The following TFCP2 variants were observed in gnomAD, a reference collection of about 807,000 sequenced individuals.
TFCP2 encodes alpha-globin transcription factor CP2.
Under a neutral mutation model 73.4 loss-of-function variants are expected in TFCP2, and 33 were observed. The ratio of observed to expected loss-of-function variants is 0.45; its 90% CI spans 0.34 to 0.60. The LOEUF (loss-of-function observed/expected upper bound fraction) is 0.60. TFCP2 is among the 20% of genes least tolerant of loss of function. TFCP2 has a pLI of 0.01. For missense variants in TFCP2, 352 were observed against 604.0 expected (o/e 0.58, Z 4.37); for synonymous variants, 193 against 211.6 (o/e 0.91, Z 0.76).
intron 1 of TFCP2, among the ~76,000 whole-genome samples, chr12:51,133,522 G>A (rs780758002): frequency 5.3e-5 from 8 of 152,118 alleles, no homozygotes; most frequent in Non-Finnish European, 1.2e-4. Context: ...CCCAGACTGA[G>A]ACTGGTCTCA....
intron 1 of TFCP2, among the ~76,000 whole-genome samples, chr12:51,132,803 G>A (rs1940977849): frequency 6.6e-6 from 1 of 152,102 alleles, no homozygotes. Flanking sequence ...AGACCCTGAG[G>A]CCACACGGAA....
chr12:51,146,968 A>G (rs2066596016), intron 1 of TFCP2, among the ~76,000 whole-genome samples: 1 of 152,258 alleles, frequency 6.6e-6, no homozygotes, highest in African/African-American at 2.4e-5. Flanking sequence ...CCAAGTACAT[A>G]GTAGGCACTC....
intron 1 of TFCP2, among the ~76,000 whole-genome samples, chr12:51,157,777 G>A (rs1223210037): frequency 7.6e-6 from 1 of 130,838 alleles, no homozygotes; most frequent in African/African-American, 2.8e-5. Context: ...ACCACCGCCT[G>A]CCTCCTGGGT....
At position 51,106,776 on chromosome 12, in the gene TFCP2, C is replaced by T. The variant is rs1485725960; in HGVS notation, c.829-163G>A. 25 of 618,804 alleles carry T rather than the reference C, an allele frequency of 4.0e-5. No individual in the cohort carries two copies. In the South Asian group the frequency reaches 4.5e-4, roughly 11 times the overall value. 38.3% of individuals were successfully genotyped at this position (618,804 alleles called of 1,614,324 possible). A position where few individuals can be genotyped will look rare whatever the true frequency, so the allele number is the denominator to read the frequency against. ...TGCTTCTCTTTCCGCCATCTTGGAG[C>T]CTGTGGGGAGGCCTGCTGAGAATAG... On this transcript the variant is annotated intron_variant, in intron 7 of 14. Transcript: ENST00000257915.
Position 51,129,514 on chromosome 12 carries a change from C to CAA in TFCP2, c.123-10744_123-10743dup, listed in dbSNP as rs5798159. Among the ~76,000 whole-genome samples, 1,025 of 126,078 alleles carry CAA rather than the reference C, an allele frequency of 8.1e-3. 7 individuals are homozygous for CAA. The highest frequency in any genetic ancestry group is 0.025 in the South Asian group (93 of 3,776). The allele number at this position is 126,078 out of a possible 152,430, so 82.7% of individuals were successfully genotyped here. On this transcript the variant is annotated intron_variant, in intron 1 of 14. Coordinates refer to ENST00000257915, the MANE Select transcript of TFCP2 (RefSeq NM_005653.5). ...CGGGCGACAGTGAAAGACCCCGTCT[C>CAA]AAAAAAAAAAAAAAAAAAAAAATCT...
At chr12:51,104,671 TATGCA>T (rs1430918211) in intron 8 of TFCP2, among the ~76,000 whole-genome samples, 1 of 152,104 alleles carries the variant, frequency 6.6e-6, no homozygotes, top group Non-Finnish European at 1.5e-5. Context: ...GAAGAAAATT[TATGCA>T]ATGCAATATC....
At chr12:51,143,292 C>T (rs1368546428) in intron 1 of TFCP2, among the ~76,000 whole-genome samples, 2 of 151,112 alleles carry the variant, frequency 1.3e-5, no homozygotes, top group East Asian at 3.9e-4. Flanking sequence ...AACTCTTGAT[C>T]TTATTCTAAA....
At chr12:51,097,242 G>A (rs1187254984) in intron 13 of TFCP2, among the ~76,000 whole-genome samples, 1 of 151,732 alleles carries the variant, frequency 6.6e-6, no homozygotes, top group Non-Finnish European at 1.5e-5. Flanking sequence ...GAGCCACTGT[G>A]CCTGGCCTTC....
At chr12:51,129,815 T>C (rs1287648674) in intron 1 of TFCP2, among the ~76,000 whole-genome samples, 2 of 115,144 alleles carry the variant, frequency 1.7e-5, no homozygotes, top group African/African-American at 3.3e-5. Flanking sequence ...TTTGGCAGGA[T>C]AAAAATGTTC....
intron 1 of TFCP2, among the ~76,000 whole-genome samples, chr12:51,125,819 T>C (rs1015241074): frequency 3.9e-5 from 6 of 152,160 alleles, no homozygotes; most frequent in Non-Finnish European, 8.8e-5. Context: ...AATCACAGGC[T>C]GGGCGTGGTG....
intron 1 of TFCP2, chr12:51,125,072 A>G (rs1267867660): frequency 1.3e-6 from 1 of 755,026 alleles, no homozygotes; most frequent in Non-Finnish European, 2.5e-6. Flanking sequence ...CAGGCTCATC[A>G]TAGTCCTCTC....
At chr12:51,169,565 A>G (rs1227944212) in intron 1 of TFCP2, among the ~76,000 whole-genome samples, 1 of 152,034 alleles carries the variant, frequency 6.6e-6, no homozygotes, top group Non-Finnish European at 1.5e-5. Context: ...AAAGGATGAA[A>G]AAAACAAAAA....
At chr12:51,137,966 T>C (rs960366688) in intron 1 of TFCP2, among the ~76,000 whole-genome samples, 1 of 152,198 alleles carries the variant, frequency 6.6e-6, no homozygotes, top group Non-Finnish European at 1.5e-5. Flanking sequence ...CTGGCAAGCA[T>C]CACTATTACC....
At chr12:51,116,553 C>T in intron 3 of TFCP2, 133 bp from the exon 4 acceptor site, 2 of 458,576 alleles carry the variant, frequency 4.4e-6, no homozygotes, top group Non-Finnish European at 3.9e-6. Context: ...AGATCTGTTT[C>T]ACTCTAAAAC....
intron 12 of TFCP2, 63 bp downstream of exon 12, chr12:51,099,592 A>G (rs575599370): frequency 9.6e-5 from 152 of 1,581,118 alleles, no homozygotes; most frequent in Non-Finnish European, 1.2e-4. Flanking sequence ...CCCATCACAC[A>G]TGCCCATAAG....
chr12:51,119,638 T>C (rs1940610950), intron 1 of TFCP2, among the ~76,000 whole-genome samples: 1 of 151,256 alleles, frequency 6.6e-6, no homozygotes, highest in Admixed American at 6.6e-5. Flanking sequence ...TAATCCCAGC[T>C]ACTCAAGAGG....
intron 1 of TFCP2, among the ~76,000 whole-genome samples, chr12:51,138,767 T>G (rs1183320340): frequency 1.3e-5 from 2 of 151,990 alleles, no homozygotes; most frequent in Non-Finnish European, 2.9e-5. Context: ...GCCTCCTGAG[T>G]AGCTGGGATC....
intron 4 of TFCP2, among the ~76,000 whole-genome samples, chr12:51,114,165 A>G (rs567145463): frequency 2.0e-5 from 3 of 152,272 alleles, no homozygotes; most frequent in Admixed American, 1.3e-4. Flanking sequence ...CCACACAATA[A>G]CAGAAAAGAT....
chr12:51,156,618 C>T (rs923855627), intron 1 of TFCP2, among the ~76,000 whole-genome samples: 2 of 149,988 alleles, frequency 1.3e-5, no homozygotes, highest in African/African-American at 4.8e-5. Flanking sequence ...TTTGAAAAGT[C>T]TGAGATGGAT....
Sources: gnomAD v4.1 joint callset for allele counts (sites outside exome capture counted in the v4.1 genomes callset) on GRCh38, gnomAD v4.1.1 for gene constraint, MANE v1.5 for transcripts, NCBI Gene and HGNC (gene_info 2026-07-23, HGNC 2026-07-21) for gene names.